SLC47A1: variants seen among roughly 807,000 people sequenced by gnomAD.
SLC47A1 encodes the protein multidrug and toxin extrusion protein 1.
In SLC47A1, 58 loss-of-function variants were observed where a neutral mutation model predicts 65.8. The observed-to-expected ratio is 0.88, with a 90% confidence interval of 0.71 to 1.10. The LOEUF is 1.10. Ranked by LOEUF, SLC47A1 falls within the 50% of genes least tolerant of loss-of-function variation. SLC47A1 has a pLI of 0.00. For missense variants in SLC47A1, 706 were observed against 719.2 expected (o/e 0.98, Z 0.21); for synonymous variants, 285 against 295.0 (o/e 0.97, Z 0.35).
intron 2 of SLC47A1, among the ~76,000 whole-genome samples, chr17:19,542,877 T>C (rs4643386): frequency 0.26 from 37,871 of 146,632 alleles, 5,447 homozygotes; most frequent in East Asian, 0.41. Context: ...CTGCAACCTC[T>C]GCCTCCCAGG....
At position 19,549,284 on chromosome 17, in the gene SLC47A1, C is replaced by T. The variant is rs371947701; in HGVS notation, c.456-351C>T. ...TGTGATCTCAGCTCACTGTAACCTC[C>T]GCCTCCTGGGTTCAAAAGATTCTCC... is the stretch of plus-strand genomic sequence containing the variant. On this transcript the variant is annotated intron_variant, in intron 4 of 16. Coordinates refer to ENST00000270570, the MANE Select transcript of SLC47A1 (RefSeq NM_018242.3). 7.9e-3 allele frequency among the ~76,000 whole-genome samples: 1,197 copies of T among 151,904 alleles called. 27 individuals are homozygous for T. In the South Asian group the frequency reaches 0.088, roughly 11 times the overall value.
intron 1 of SLC47A1, among the ~76,000 whole-genome samples, chr17:19,541,359 G>A (rs1916144618): frequency 6.6e-6 from 1 of 152,182 alleles, no homozygotes; most frequent in South Asian, 2.1e-4. Flanking sequence ...CCTGCCAGGG[G>A]AGAGGGGCTT....
chr17:19,573,527 CTT>C (rs34229068), intron 16 of SLC47A1, among the ~76,000 whole-genome samples: 2 of 147,598 alleles, frequency 1.4e-5, no homozygotes, highest in African/African-American at 2.5e-5. Context: ...TAAAGAAAAA[CTT>C]TTTTTTTTTT....
chr17:19,551,337 C>A, intron 5 of SLC47A1, 87 bp from the exon 6 acceptor site: 1 of 1,193,948 alleles, frequency 8.4e-7, no homozygotes, highest in Non-Finnish European at 1.3e-6. Context: ...CGAACCTTGG[C>A]TGTGGCTCCT....
rs1332093475 is a variant in SLC47A1 at position 19,572,879 on chromosome 17, C to T, written c.1486+18C>T. On this transcript the variant is annotated intron_variant, in intron 16 of 16. Transcript: ENST00000270570. ...TCACCCAGGTAAGATATGACTCCCT[C>T]AGCCCTTGGACAGGCCTGTCTAGGT... 1 of 1,612,294 alleles carries T rather than the reference C, an allele frequency of 6.2e-7. No homozygotes were observed. The highest frequency in any genetic ancestry group is 8.5e-7 in the Non-Finnish European group (1 of 1,178,336).
chr17:19,538,402 A>G (rs1916051456), intron 1 of SLC47A1, among the ~76,000 whole-genome samples: 1 of 152,192 alleles, frequency 6.6e-6, no homozygotes, highest in Non-Finnish European at 1.5e-5. Context: ...AGGCACTGCA[A>G]GTCTGAGACT....
intron 3 of SLC47A1, 46 bp downstream of exon 3, chr17:19,546,549 T>G (rs748727606): frequency 4.6e-5 from 73 of 1,586,438 alleles, no homozygotes; most frequent in Non-Finnish European, 6.0e-5. Flanking sequence ...AAACATCTTT[T>G]CTCAAGTGTA....
At position 19,576,697 on chromosome 17, in the gene SLC47A1, A is replaced by G. The variant is rs561287248; in HGVS notation, c.1487-630A>G. Among the ~76,000 whole-genome samples, 4 of 150,598 alleles carry G rather than the reference A, an allele frequency of 2.7e-5. No homozygotes were observed. In the East Asian group the frequency reaches 7.8e-4, roughly 29 times the overall value. On this transcript the variant is annotated intron_variant, in intron 16 of 16. Coordinates refer to ENST00000270570, the MANE Select transcript of SLC47A1 (RefSeq NM_018242.3). ...CCTTGTGTTTTGTTCTGAAATGCTT[A>G]TTAGATGGGTGTTGGCTCCTTGAAA...
intron 16 of SLC47A1, among the ~76,000 whole-genome samples, chr17:19,576,023 A>G (rs184072488): frequency 6.6e-6 from 1 of 151,942 alleles, no homozygotes; most frequent in East Asian, 1.9e-4. Context: ...ATGATTGAAT[A>G]TTTTGCAGAA....
chr17:19,550,497 G>A (rs1916417262), intron 5 of SLC47A1, among the ~76,000 whole-genome samples: 1 of 152,100 alleles, frequency 6.6e-6, no homozygotes, highest in African/African-American at 2.4e-5. Flanking sequence ...TGTATTTTTT[G>A]TAGAGATAGC....
chr17:19,549,197 G>A (rs754978626), intron 4 of SLC47A1, among the ~76,000 whole-genome samples: 14 of 151,982 alleles, frequency 9.2e-5, no homozygotes, highest in Admixed American at 1.3e-4. Context: ...CATTTGCTCC[G>A]CAGTTTTGTT....
At chr17:19,574,753 G>GTAGC (rs933428179) in intron 16 of SLC47A1, among the ~76,000 whole-genome samples, 1 of 151,784 alleles carries the variant, frequency 6.6e-6, no homozygotes, top group African/African-American at 2.4e-5. Flanking sequence ...AGCCTCCTGA[G>GTAGC]TAGCTGGGAT....
In SLC47A1 at chr17:19,555,314, G is replaced by A. The variant is rs1916570937; in HGVS notation, c.641+5G>A. ...TCAACTGCATCTTGGGGTGATGTGA[G>A]TCCAACATACTCTTGGGACAGGGAG... On this transcript the variant is annotated splice_donor_5th_base_variant and intron_variant, in intron 7 of 16. Transcript: ENST00000270570. The A allele has an allele frequency of 1.9e-6, 3 of 1,614,022 alleles. No individual in the cohort carries two copies. Among genetic ancestry groups the A allele is most frequent in the East Asian group, 4.5e-5 (2 of 44,880 alleles).
At chr17:19,544,510 C>A (rs1012189419) in intron 2 of SLC47A1, among the ~76,000 whole-genome samples, 1 of 152,160 alleles carries the variant, frequency 6.6e-6, no homozygotes, top group Non-Finnish European at 1.5e-5. Flanking sequence ...AGATGGGGAG[C>A]ACATCAGACA....
At chr17:19,553,210 G>C (rs991912045) in intron 6 of SLC47A1, among the ~76,000 whole-genome samples, 1 of 152,110 alleles carries the variant, frequency 6.6e-6, no homozygotes. Flanking sequence ...AACAGAGCCA[G>C]ATGGTATCGG....
chr17:19,556,008 G>A lies in SLC47A1; in HGVS notation c.867G>A (p.Met289Ile). 1 of 1,614,208 alleles carries A rather than the reference G, an allele frequency of 6.2e-7. No homozygotes were observed. Among genetic ancestry groups the A allele is most frequent in the Non-Finnish European group, 8.5e-7 (1 of 1,180,038 alleles). ...VGSFLSGILG[M>I]VELGAQSIVY... is the part of the protein sequence containing the mutation. Reference sequence around the variant, plus strand: ...TTTCTTCACCAGGCATCCTCGGCATGGTGGAGCTGGGCGCTCAGTCCATCG... The same window carrying A: ...TTTCTTCACCAGGCATCCTCGGCATAGTGGAGCTGGGCGCTCAGTCCATCG... The change falls in exon 10 of 17, where the codon ATG (methionine) becomes ATA (isoleucine). Residue 289 changes from methionine to isoleucine, a missense_variant. Coordinates refer to ENST00000270570, the MANE Select transcript of SLC47A1 (RefSeq NM_018242.3).
At chr17:19,539,990 G>A (rs550544154) in intron 1 of SLC47A1, among the ~76,000 whole-genome samples, 1 of 152,326 alleles carries the variant, frequency 6.6e-6, no homozygotes, top group East Asian at 1.9e-4. Context: ...GACTCAGGCA[G>A]TCGGAGTACA....
chr17:19,560,114 T>C (rs966776831), intron 10 of SLC47A1, 74 bp from the exon 11 acceptor site: 6 of 1,080,548 alleles, frequency 5.6e-6, no homozygotes, highest in Non-Finnish European at 8.2e-6. Context: ...GTGTGAGGCA[T>C]GAGGCTGCTT....
chr17:19,570,036 T>TA (rs2084387773), intron 14 of SLC47A1, among the ~76,000 whole-genome samples: 1 of 152,104 alleles, frequency 6.6e-6, no homozygotes, highest in South Asian at 2.1e-4. Context: ...CACTTGACTC[T>TA]AGGAGTTGGA....
Sources: gnomAD v4.1 joint callset for allele counts (sites outside exome capture counted in the v4.1 genomes callset) on GRCh38, gnomAD v4.1.1 for gene constraint, MANE v1.5 for transcripts, NCBI Gene and HGNC (gene_info 2026-07-23, HGNC 2026-07-21) for gene names.